The following ANKMY1 variants were observed in gnomAD, a reference collection of about 807,000 sequenced individuals.
The protein encoded by ANKMY1 is ankyrin repeat and MYND domain containing 1, also known as ankyrin repeat and MYND domain-containing protein 1.
A neutral mutation model predicts 102.0 loss-of-function variants in ANKMY1; 98 were observed. The observed-to-expected ratio is 0.96, with a 90% confidence interval of 0.82 to 1.14. The LOEUF (loss-of-function observed/expected upper bound fraction) is 1.14, where lower values mean the gene tolerates loss of function less well. Among genes scored for constraint, ANKMY1 ranks in the 50% most tolerant of loss-of-function variants. The pLI, the probability that ANKMY1 is intolerant of heterozygous loss-of-function variation, is 0.00. For synonymous variants in ANKMY1, 582 were observed against 559.9 expected (o/e 1.04, Z -0.56); for missense variants, 1,330 against 1,347.6 (o/e 0.99, Z 0.20).
At chr2:240,502,315 G>A (rs1284254752) in intron 13 of ANKMY1, among the ~76,000 whole-genome samples, 1 of 151,938 alleles carries the variant, frequency 6.6e-6, no homozygotes, top group African/African-American at 2.4e-5. Flanking sequence ...TGGCTACTCA[G>A]CAGCACCTGG....
At chr2:240,552,694 A>T in intron 4 of ANKMY1, 3 of 624,268 alleles carry the variant, frequency 4.8e-6, no homozygotes, top group Non-Finnish European at 2.7e-6. Context: ...TCTAAAGGAC[A>T]TGTAACAATT....
the ANKMY1 span, among the ~76,000 whole-genome samples, chr2:240,473,100 G>A: frequency 6.8e-6 from 1 of 147,468 alleles, no homozygotes; most frequent in East Asian, 2.0e-4. Context: ...CTCCAGCCTG[G>A]GCGACAAGAG....
At chr2:240,554,801 G>C in intron 3 of ANKMY1, 65 bp downstream of exon 3, 1 of 1,578,824 alleles carries the variant, frequency 6.3e-7, no homozygotes, top group Non-Finnish European at 8.7e-7. Context: ...ATCACTCTTG[G>C]AAGGATAAAG....
chr2:240,503,309 T>C (rs10198074), intron 13 of ANKMY1, among the ~76,000 whole-genome samples: 39,788 of 152,120 alleles, frequency 0.26, 6,168 homozygotes, highest in East Asian at 0.66. Context: ...GAGCTAGAAA[T>C]GTTCGTGAGA....
At chr2:240,479,677 G>T in intron 17 of ANKMY1, 22 bp from the exon 18 acceptor site, 1 of 1,611,844 alleles carries the variant, frequency 6.2e-7, no homozygotes, top group Non-Finnish European at 8.5e-7. Flanking sequence ...AAAGGTGTGG[G>T]GGAGGGGGAA....
At chr2:240,487,338 C>G (rs2076168507) in intron 15 of ANKMY1, among the ~76,000 whole-genome samples, 1 of 152,210 alleles carries the variant, frequency 6.6e-6, no homozygotes, top group Non-Finnish European at 1.5e-5. Context: ...GAATAATATT[C>G]CATTGTGTAT....
chr2:240,560,655 G>T (rs1013706070), upstream of ANKMY1: 3 of 1,479,688 alleles, frequency 2.0e-6, no homozygotes, highest in Non-Finnish European at 2.7e-6. Flanking sequence ...AGATCCTCAG[G>T]GCCCAAAAGC....
At chr2:240,488,901 T>C (rs2076339814) in intron 15 of ANKMY1, among the ~76,000 whole-genome samples, 1 of 152,220 alleles carries the variant, frequency 6.6e-6, no homozygotes. Flanking sequence ...TATAGAATAA[T>C]ATCATCAGCA....
intron 13 of ANKMY1, among the ~76,000 whole-genome samples, chr2:240,505,889 G>A (rs1005481929): frequency 2.0e-5 from 3 of 152,148 alleles, no homozygotes; most frequent in Admixed American, 6.5e-5. Flanking sequence ...CCAGGAATCA[G>A]CTCACAGCAC....
intron 13 of ANKMY1, among the ~76,000 whole-genome samples, chr2:240,503,927 C>A (rs1559268106): frequency 6.6e-6 from 1 of 152,150 alleles, no homozygotes; most frequent in African/African-American, 2.4e-5. Context: ...AGGCAGAGCA[C>A]CATGAGCTGA....
At chr2:240,556,345 T>C (rs1289770071) in intron 2 of ANKMY1, among the ~76,000 whole-genome samples, 2 of 152,196 alleles carry the variant, frequency 1.3e-5, no homozygotes, top group Non-Finnish European at 2.9e-5. Flanking sequence ...CGCTCTCTTA[T>C]CTGTAAACAC....
chr2:240,507,495 A>T, intron 13 of ANKMY1, 65 bp downstream of exon 13: 1 of 1,422,250 alleles, frequency 7.0e-7, no homozygotes, highest in Non-Finnish European at 9.3e-7. Flanking sequence ...CACACCCCTC[A>T]CTCAGGGCCA....
At chr2:240,538,654 G>A (rs2087647543) in intron 4 of ANKMY1, among the ~76,000 whole-genome samples, 1 of 152,194 alleles carries the variant, frequency 6.6e-6, no homozygotes. Context: ...TGAGGAGTAT[G>A]GGCGTGCAGT....
rs1244850085 is a variant in ANKMY1 at position 240,506,275 on chromosome 2, C to T, written c.2526+1285G>A. Among the ~76,000 whole-genome samples the T allele has an allele frequency of 6.6e-6, 1 of 152,222 alleles. No individual in the cohort carries two copies. The highest frequency in any genetic ancestry group is 1.5e-5 in the Non-Finnish European group (1 of 68,042). ...GTCTCGCGTCCTTTCTCTATTTACTCAGACTTAGATGAACAAGAGACTGGT... is the reference window on the plus strand; with the variant it reads ...GTCTCGCGTCCTTTCTCTATTTACTTAGACTTAGATGAACAAGAGACTGGT... On this transcript the variant is annotated intron_variant, in intron 13 of 17. Coordinates refer to ENST00000401804, the MANE Select transcript of ANKMY1 (RefSeq NM_001282771.3). The surrounding 1 kb of genome is among the most constrained non-coding windows in gnomAD (Gnocchi z 4.9).
chr2:240,554,979 A>AGGTGTGT lies in ANKMY1; in HGVS notation c.222_223insACACACC (p.Tyr75ThrfsTer137). On this transcript the variant is annotated frameshift_variant, in exon 3 of 18. Transcript: ENST00000401804. LOFTEE classifies it high-confidence loss of function. ...TGCACACCCTGGACGAGCTGGATGT[A>AGGTGTGT]GGACTCCCTCAGGTCCTGCGCCCTC... The AGGTGTGT allele has an allele frequency of 6.2e-7, 1 of 1,614,176 alleles. No homozygotes were observed. Among genetic ancestry groups the AGGTGTGT allele is most frequent in the Non-Finnish European group, 8.5e-7 (1 of 1,180,016 alleles).
rs779941650 is a variant in ANKMY1, at chr2:240,509,431, G to A, written c.2311C>T (p.Leu771Phe). The A allele has an allele frequency of 1.4e-5, 23 of 1,613,436 alleles. No homozygotes were observed. Among genetic ancestry groups the A allele is most frequent in the South Asian group, 1.2e-4 (11 of 90,958 alleles). Residue 771 changes from leucine to phenylalanine, a missense_variant, in exon 12 of 18, where the codon CTT (leucine) becomes TTT (phenylalanine). Leu to Phe is a conservative substitution (Grantham distance 22). Transcript: ENST00000401804. Reference sequence around the variant, plus strand: ...TTAGGATTTGCTCCGTGGGATAGAAGGAGCCGGACTATGTCCCTGGCACAC... The same window carrying A: ...TTAGGATTTGCTCCGTGGGATAGAAAGAGCCGGACTATGTCCCTGGCACAC... The part of the protein sequence containing the change: ...NKCARDIVRL[L>F]LSHGANPNLL...
rs1473948229 is a variant in ANKMY1, at chr2:240,506,682, C to G, written c.2526+878G>C. Among the ~76,000 whole-genome samples, 4 of 150,718 alleles carry G rather than the reference C, an allele frequency of 2.7e-5. No homozygotes were observed. Among genetic ancestry groups the G allele is most frequent in the African/African-American group, 4.9e-5 (2 of 40,984 alleles). On this transcript the variant is annotated intron_variant, in intron 13 of 17. Transcript: ENST00000401804. The surrounding 1 kb of genome is among the most constrained non-coding windows in gnomAD (Gnocchi z 4.9). ...CTCCTCCTTCCCCCTTTTTCTCCCT[C>G]AGACAGGTAAGAACCAAAGTGTGTA...
chr2:240,488,573 T>C (rs1035324307), intron 15 of ANKMY1, among the ~76,000 whole-genome samples: 1 of 152,246 alleles, frequency 6.6e-6, no homozygotes, highest in Non-Finnish European at 1.5e-5. Context: ...ATGGCCATTT[T>C]CACAATATTA....
chr2:240,560,907 G>A, upstream of ANKMY1: 1 of 1,532,136 alleles, frequency 6.5e-7, no homozygotes, highest in Non-Finnish European at 8.7e-7. Context: ...CGACGACCCG[G>A]CTGAGGACCT....
Sources: allele counts gnomAD v4.1 joint callset (sites outside exome capture counted in the v4.1 genomes callset), GRCh38; gene constraint gnomAD v4.1.1; non-coding constraint Gnocchi (gnomAD v3.1); transcripts MANE v1.5; gene names NCBI Gene and HGNC (gene_info 2026-07-23, HGNC 2026-07-21).